Variants in PEAK1 observed in about 807,000 individuals in gnomAD.
The protein encoded by PEAK1 is pseudopodium enriched atypical kinase 1, also known as inactive tyrosine-protein kinase PEAK1.
In PEAK1, 54 loss-of-function variants were observed where a neutral mutation model predicts 124.7. The ratio of observed to expected loss-of-function variants is 0.43; its 90% confidence interval spans 0.35 to 0.54. The LOEUF (loss-of-function observed/expected upper bound fraction) is 0.54, where lower values mean the gene tolerates loss of function less well. Ranked by LOEUF, PEAK1 falls within the 20% of genes least tolerant of loss-of-function variation. The pLI is 0.01. For synonymous variants in PEAK1, 719 were observed against 760.0 expected, an observed-to-expected ratio of 0.95 and a Z score of 0.89; for missense variants, 2,046 against 2,134.5, an observed-to-expected ratio of 0.96 and a Z score of 0.82.
intron 9 of PEAK1, among the ~76,000 whole-genome samples, chr15:77,120,986 AC>A (rs1290405622): frequency 6.7e-6 from 1 of 149,888 alleles, no homozygotes; most frequent in Non-Finnish European, 1.5e-5. Flanking sequence ...AATACCCTAA[AC>A]CCCCTTTCTG....
chr15:77,215,841 T>C (rs2059125838), intron 6 of PEAK1, among the ~76,000 whole-genome samples: 1 of 152,226 alleles, frequency 6.6e-6, no homozygotes, highest in African/African-American at 2.4e-5. Context: ...CACATTTCCC[T>C]ATGGTTTCAT....
At chr15:77,346,156 A>ATACC in intron 2 of PEAK1, 1 of 981,584 alleles carries the variant, frequency 1.0e-6, no homozygotes, top group African/African-American at 1.7e-5. Flanking sequence ...TTCCTCACCA[A>ATACC]TACCAATAAA....
chr15:77,332,316 T>C, intron 2 of PEAK1: 1 of 983,340 alleles, frequency 1.0e-6, no homozygotes, highest in Non-Finnish European at 1.2e-6. Context: ...GAAAAATTTT[T>C]TGGCCGGGTG....
In PEAK1 at chr15:77,133,459, T is replaced by C; in HGVS notation, c.3623A>G (p.Lys1208Arg). 1 of 1,614,212 alleles carries C rather than the reference T, an allele frequency of 6.2e-7. No homozygotes were observed. Residue 1208 changes from lysine to arginine, a missense_variant, in exon 9 of 10, where the codon AAA (lysine) becomes AGA (arginine). Lys to Arg is a conservative substitution (Grantham distance 26). Transcript: ENST00000682557. This position sits in a 1 kb window ranked among gnomAD's most constrained non-coding sequence, Gnocchi z 4.2. ...SAGSSISYEL[K>R]GLDIESYDSL... ...GTCATAAGACTCAATGTCCAGTCCT[T>C]TGAGTTCATAGCTGATGGAAGAACC...
At chr15:77,263,635 G>T (rs373454413) in intron 5 of PEAK1, among the ~76,000 whole-genome samples, 5 of 151,882 alleles carry the variant, frequency 3.3e-5, no homozygotes, top group African/African-American at 4.8e-5. Flanking sequence ...CCAAAAAAAG[G>T]CCAGGACCAG....
At chr15:77,379,741 C>A (rs1158634765) in intron 1 of PEAK1, among the ~76,000 whole-genome samples, 1 of 152,038 alleles carries the variant, frequency 6.6e-6, no homozygotes, top group Non-Finnish European at 1.5e-5. Context: ...AGAAAACGGG[C>A]CAGAAACTCT....
intron 6 of PEAK1, among the ~76,000 whole-genome samples, chr15:77,221,770 T>G (rs556957806): frequency 3.9e-5 from 6 of 152,128 alleles, no homozygotes; most frequent in African/African-American, 1.4e-4. Context: ...TGTGAAGGAT[T>G]TTGGCTGCAA....
chr15:77,324,980 G>C (rs954778552), intron 2 of PEAK1, among the ~76,000 whole-genome samples: 3 of 152,096 alleles, frequency 2.0e-5, no homozygotes, highest in Non-Finnish European at 4.4e-5. Context: ...AGACATATTT[G>C]TCTCACTAGT....
chr15:77,268,842 G>A (rs570273736), intron 5 of PEAK1, among the ~76,000 whole-genome samples: 21 of 152,160 alleles, frequency 1.4e-4, no homozygotes, highest in South Asian at 1.0e-3. Context: ...AAGCTAGAAG[G>A]GACTGCAATC....
intron 2 of PEAK1, among the ~76,000 whole-genome samples, chr15:77,313,079 T>C (rs2064579921): frequency 3.3e-5 from 5 of 152,200 alleles, no homozygotes; most frequent in Admixed American, 2.0e-4. Context: ...AGGAAGGCTC[T>C]TTGGCAAAAA....
At chr15:77,206,654 G>A (rs1436603547) in intron 6 of PEAK1, among the ~76,000 whole-genome samples, 9 of 150,674 alleles carry the variant, frequency 6.0e-5, no homozygotes, top group African/African-American at 2.0e-4. Context: ...CATGTCCTTC[G>A]CCCACTTTTT....
intron 6 of PEAK1, among the ~76,000 whole-genome samples, chr15:77,208,887 T>C (rs1669742763): frequency 6.6e-6 from 1 of 152,180 alleles, no homozygotes; most frequent in Non-Finnish European, 1.5e-5. Flanking sequence ...ATAATATTTG[T>C]CTTTACCACC....
rs748760041 is a variant in PEAK1, at chr15:77,180,841, C to T, written c.1086G>A (p.Gln362=). 6.2e-7 allele frequency: 1 copy of T among 1,613,694 alleles called. No homozygotes were observed. Among genetic ancestry groups the T allele is most frequent in the Non-Finnish European group, 8.5e-7 (1 of 1,179,890 alleles). Reference sequence around the variant, plus strand: ...GAGATAATCCCCCATTACAAATCTTCTGGGATAAACTACTGGCTGTCTCAG... The same window carrying T: ...GAGATAATCCCCCATTACAAATCTTTTGGGATAAACTACTGGCTGTCTCAG... ...SRSETASSLS[Q]KICNGGLSPG... Residue 362 remains glutamine (Q), a synonymous_variant, in exon 7 of 10, where the codon CAG becomes CAA. Transcript: ENST00000682557.
chr15:77,313,682 GTGTGTGTGTGTATATATATATATGTA>G (rs1224774572), intron 2 of PEAK1, among the ~76,000 whole-genome samples: 3 of 118,654 alleles, frequency 2.5e-5, no homozygotes, highest in African/African-American at 1.2e-4. Flanking sequence ...GTGTGTGTGT[GTGTGTGTGTGTATATATATATATGTA>G]TGTGTGTGTG....
intron 5 of PEAK1, among the ~76,000 whole-genome samples, chr15:77,266,363 G>T (rs939757814): frequency 6.6e-6 from 1 of 152,082 alleles, no homozygotes; most frequent in African/African-American, 2.4e-5. Flanking sequence ...CAGAGGCCTA[G>T]TACGAAGCTG....
chr15:77,304,062 C>T (rs2063932669), intron 2 of PEAK1, among the ~76,000 whole-genome samples: 2 of 152,278 alleles, frequency 1.3e-5, no homozygotes, highest in South Asian at 4.1e-4. Flanking sequence ...TATTCTTTCA[C>T]CAACACCATA....
intron 1 of PEAK1, chr15:77,419,060 A>T (rs530533683): frequency 7.0e-5 from 69 of 985,316 alleles, no homozygotes; most frequent in Non-Finnish European, 8.1e-5. Context: ...ATAAAGATGA[A>T]ATCATAGTTT....
At chr15:77,253,145 T>G (rs538130626) in intron 5 of PEAK1, among the ~76,000 whole-genome samples, 1 of 151,518 alleles carries the variant, frequency 6.6e-6, no homozygotes, top group African/African-American at 2.4e-5. Flanking sequence ...GAAAAATAAC[T>G]GAGTTATTGT....
At chr15:77,219,879 T>C (rs941195552) in intron 6 of PEAK1, among the ~76,000 whole-genome samples, 1 of 152,154 alleles carries the variant, frequency 6.6e-6, no homozygotes, top group Non-Finnish European at 1.5e-5. Flanking sequence ...TTTTATACCC[T>C]AGTAATTTTA....
Sources: allele counts gnomAD v4.1 joint callset (sites outside exome capture counted in the v4.1 genomes callset), GRCh38; gene constraint gnomAD v4.1.1; non-coding constraint Gnocchi (gnomAD v3.1); transcripts MANE v1.5; gene names NCBI Gene and HGNC (gene_info 2026-07-23, HGNC 2026-07-21).